Variants in SCARA5 observed in about 807,000 individuals in gnomAD.
The protein encoded by SCARA5 is scavenger receptor class A, member 5 (putative).
In SCARA5, 45 loss-of-function variants were observed where a neutral mutation model predicts 46.3. The observed-to-expected ratio is 0.97, with a 90% CI of 0.76 to 1.24. The LOEUF is 1.24. Among genes scored for constraint, SCARA5 ranks in the 50% most tolerant of loss-of-function variants. The pLI, the probability that SCARA5 is intolerant of heterozygous loss-of-function variation, is 0.00. For synonymous variants in SCARA5, 333 were observed against 306.5 expected, an observed-to-expected ratio of 1.09 and a Z score of -0.90; for missense variants, 680 against 689.0, an observed-to-expected ratio of 0.99 and a Z score of 0.15.
At chr8:27,928,618 C>T (rs990664504) in intron 3 of SCARA5, among the ~76,000 whole-genome samples, 5 of 152,092 alleles carry the variant, frequency 3.3e-5, no homozygotes, top group South Asian at 2.1e-4. Context: ...AGGGTGGACA[C>T]GGAGAACACA....
intron 3 of SCARA5, among the ~76,000 whole-genome samples, chr8:27,953,059 T>C (rs887246966): frequency 2.0e-5 from 3 of 152,232 alleles, no homozygotes; most frequent in Non-Finnish European, 4.4e-5. Context: ...CCTGCATCCT[T>C]TCTCTCTTCC....
Position 27,907,572 on chromosome 8 carries a change from C to CTTTT in SCARA5, c.998-330_998-327dup, listed in dbSNP as rs144977060. 7.4e-4 allele frequency among the ~76,000 whole-genome samples: 72 copies of CTTTT among 97,262 alleles called. 2 individuals carry two copies. Among genetic ancestry groups the CTTTT allele is most frequent in the South Asian group, 2.7e-3 (7 of 2,586 alleles). The allele number at this position is 97,262 out of a possible 152,430, so 63.8% of individuals were successfully genotyped here. A position where few individuals can be genotyped will look rare whatever the true frequency, so the allele number is the denominator to read the frequency against. ...GCTGGAGACTTAGAATCAGCAAACA[C>CTTTT]TTTTTTTTTTTTTTTTTTTTGAGAC... On this transcript the variant is annotated intron_variant, in intron 5 of 8. Transcript: ENST00000354914.
At chr8:27,873,599 AC>A (rs1286644411) in intron 8 of SCARA5, among the ~76,000 whole-genome samples, 2 of 149,874 alleles carry the variant, frequency 1.3e-5, no homozygotes, top group African/African-American at 2.5e-5. Context: ...TCCACTACCT[AC>A]CCAAATCCTA....
intron 3 of SCARA5, among the ~76,000 whole-genome samples, chr8:27,932,630 C>T (rs1187380916): frequency 6.6e-6 from 1 of 152,014 alleles, no homozygotes; most frequent in African/African-American, 2.4e-5. Context: ...CTGATTCTTT[C>T]ATTTTCTTTT....
intron 3 of SCARA5, among the ~76,000 whole-genome samples, chr8:27,931,535 A>G (rs1387729355): frequency 2.6e-5 from 4 of 152,186 alleles, no homozygotes; most frequent in Non-Finnish European, 5.9e-5. Context: ...CTAGGCACCT[A>G]TAAGTATCTT....
intron 8 of SCARA5, among the ~76,000 whole-genome samples, chr8:27,873,399 CT>C (rs948787519): frequency 6.6e-6 from 1 of 152,154 alleles, no homozygotes; most frequent in African/African-American, 2.4e-5. Flanking sequence ...CCCCTGTGAC[CT>C]GCAAACATGT....
intron 2 of SCARA5, 133 bp downstream of exon 2, chr8:27,987,371 A>G: frequency 1.5e-6 from 1 of 668,712 alleles, no homozygotes; most frequent in Admixed American, 2.3e-5. Context: ...TAAAGCATAA[A>G]GTTCAATATA....
chr8:27,946,876 A>T (rs1225992662), intron 3 of SCARA5, among the ~76,000 whole-genome samples: 2 of 152,122 alleles, frequency 1.3e-5, no homozygotes, highest in Non-Finnish European at 2.9e-5. Context: ...TGTTTTAGCA[A>T]ACTCGTTGAA....
In SCARA5 at chr8:27,907,219, C is replaced by T; in HGVS notation, c.1025G>A (p.Gly342Glu). The change falls in exon 6 of 9, where the codon GGA becomes GAA. Residue 342 changes from glycine (G) to glutamate (E), a missense_variant. Transcript: ENST00000354914. ...ATCATCGCCCTTGGGCCCGGGCAAT[C>T]CTGGGGTACCTCTCTCCCCGGGCAG... is the stretch of plus-strand genomic sequence containing the variant. Reference protein sequence around the residue: ...RGLPGERGTPGLPGPKGDDGK... With the variant: ...RGLPGERGTPELPGPKGDDGK... 3 of 1,613,612 alleles carry T rather than the reference C, an allele frequency of 1.9e-6. No homozygotes were observed. Among genetic ancestry groups the T allele is most frequent in the Non-Finnish European group, 2.5e-6 (3 of 1,179,770 alleles).
chr8:27,894,562 G>C (rs1398927483), intron 7 of SCARA5, among the ~76,000 whole-genome samples: 1 of 152,182 alleles, frequency 6.6e-6, no homozygotes, highest in Admixed American at 6.5e-5. Flanking sequence ...GGTGATTTTG[G>C]TGCACAGCCA....
At chr8:27,904,546 T>C (rs538379182) in intron 7 of SCARA5, 4 of 600,320 alleles carry the variant, frequency 6.7e-6, no homozygotes, top group Non-Finnish European at 1.2e-5. Flanking sequence ...TCCAGATCCA[T>C]GCACACAACC....
intron 7 of SCARA5, among the ~76,000 whole-genome samples, chr8:27,896,968 T>A (rs756443353): frequency 1.3e-5 from 2 of 152,134 alleles, no homozygotes; most frequent in African/African-American, 2.4e-5. Flanking sequence ...GGTGTGCACC[T>A]GTAATCCCAG....
chr8:27,901,658 G>C (rs1381386835), intron 7 of SCARA5, among the ~76,000 whole-genome samples: 7 of 152,198 alleles, frequency 4.6e-5, no homozygotes, highest in Admixed American at 3.3e-4. Context: ...AGAGCAAGCT[G>C]GTGGGCAGAG....
chr8:27,902,811 G>A (rs1056033988), intron 7 of SCARA5, among the ~76,000 whole-genome samples: 4 of 152,060 alleles, frequency 2.6e-5, no homozygotes, highest in Non-Finnish European at 5.9e-5. Context: ...CTACTAGATG[G>A]CCTCATTCAG....
At chr8:27,927,030 A>G (rs1261482294) in intron 3 of SCARA5, among the ~76,000 whole-genome samples, 1 of 152,186 alleles carries the variant, frequency 6.6e-6, no homozygotes, top group Non-Finnish European at 1.5e-5. Flanking sequence ...ACTAAGAGTA[A>G]CAGGGCAACC....
At chr8:27,967,695 T>C (rs993381326) in intron 2 of SCARA5, among the ~76,000 whole-genome samples, 1 of 152,058 alleles carries the variant, frequency 6.6e-6, no homozygotes, top group African/African-American at 2.4e-5. Flanking sequence ...GGTGGATCAC[T>C]TGAGGTCAGG....
intron 7 of SCARA5, among the ~76,000 whole-genome samples, chr8:27,896,681 C>T (rs950537801): frequency 2.0e-5 from 3 of 152,096 alleles, no homozygotes; most frequent in African/African-American, 7.2e-5. Context: ...TCTGAGTCAG[C>T]GAGAAAGACA....
At chr8:27,969,397 A>T (rs772622837) in intron 2 of SCARA5, among the ~76,000 whole-genome samples, 2 of 152,242 alleles carry the variant, frequency 1.3e-5, no homozygotes, top group Admixed American at 6.5e-5. Context: ...AAATAAGCCA[A>T]TCTAAAAAAG....
rs117792428 is a variant in SCARA5 at position 27,879,573 on chromosome 8, C to T, written c.1347G>A (p.Gly449=). The T allele has an allele frequency of 9.9e-5, 159 of 1,606,620 alleles. 1 individual carries two copies. In the Middle Eastern group the frequency reaches 1.2e-3, roughly 12 times the overall value. Residue 449 remains glycine, a synonymous_variant, in exon 8 of 9, where the codon GGG becomes GGA. Coordinates refer to ENST00000354914, the MANE Select transcript of SCARA5 (RefSeq NM_173833.6). ...TTTGCCCTCAGAGCGCCTTACCTTG[C>T]CCGAATCGAGCTGTGCGGTACACCT... ...VEEVYRTARF[G]QGTGRIWMDD...
Sources: allele counts gnomAD v4.1 joint callset (sites outside exome capture counted in the v4.1 genomes callset), GRCh38; gene constraint gnomAD v4.1.1; transcripts MANE v1.5; gene names NCBI Gene and HGNC (gene_info 2026-07-23, HGNC 2026-07-21).